The following SH3BGRL2 variants were observed in gnomAD, a reference collection of about 807,000 sequenced individuals.
SH3BGRL2 encodes the protein SH3 domain-binding glutamic acid-rich-like protein 2.
Under a neutral mutation model 14.8 loss-of-function variants are expected in SH3BGRL2, and 21 were observed. The ratio of observed to expected loss-of-function variants is 1.42; its 90% confidence interval spans 1.01 to 2.05. The LOEUF (loss-of-function observed/expected upper bound fraction) is 2.05. SH3BGRL2 is among the 30% of genes most tolerant of loss of function. The pLI is 0.00. For synonymous variants in SH3BGRL2, 50 were observed against 47.8 expected (o/e 1.05, Z -0.19); for missense variants, 147 against 130.8 (o/e 1.12, Z -0.61).
At chr6:79,670,221 A>G (rs968758122) in intron 1 of SH3BGRL2, among the ~76,000 whole-genome samples, 1 of 152,216 alleles carries the variant, frequency 6.6e-6, no homozygotes, top group Admixed American at 6.5e-5. Context: ...TATAAAGACC[A>G]TTTTTGGCTG....
chr6:79,580,409 A>G, the SH3BGRL2 span, among the ~76,000 whole-genome samples: 1 of 152,226 alleles, frequency 6.6e-6, no homozygotes, highest in African/African-American at 2.4e-5. Flanking sequence ...ACTCCTCAGC[A>G]AATGTAAAAG....
chr6:79,695,206 C>T (rs886961618), intron 2 of SH3BGRL2, among the ~76,000 whole-genome samples: 1 of 152,130 alleles, frequency 6.6e-6, no homozygotes, highest in African/African-American at 2.4e-5. Context: ...TTGGCCAAAT[C>T]GCTCTTTTCA....
At chr6:79,597,302 GAGAAA>G in the SH3BGRL2 span, among the ~76,000 whole-genome samples, 1 of 138,622 alleles carries the variant, frequency 7.2e-6, no homozygotes, top group African/African-American at 2.7e-5. Flanking sequence ...GAGAAAGAGA[GAGAAA>G]AGAAAGAAAG....
chr6:79,679,626 AT>A (rs943851540), intron 2 of SH3BGRL2, among the ~76,000 whole-genome samples: 13 of 152,192 alleles, frequency 8.5e-5, no homozygotes, highest in Non-Finnish European at 8.8e-5. Context: ...TGGTAGTTCT[AT>A]TTTTAATTTT....
chr6:79,686,306 C>T (rs924250920), intron 2 of SH3BGRL2, among the ~76,000 whole-genome samples: 2 of 152,098 alleles, frequency 1.3e-5, no homozygotes, highest in African/African-American at 4.8e-5. Flanking sequence ...TCTGTTATTT[C>T]TTTGCCCTTT....
chr6:79,685,926 T>G (rs1770081676), intron 2 of SH3BGRL2, among the ~76,000 whole-genome samples: 1 of 152,196 alleles, frequency 6.6e-6, no homozygotes, highest in Non-Finnish European at 1.5e-5. Context: ...TTCTTCTAAT[T>G]TGTGTGTCCT....
chr6:79,648,208 C>G (rs1769180485), intron 1 of SH3BGRL2, among the ~76,000 whole-genome samples: 1 of 139,444 alleles, frequency 7.2e-6, no homozygotes, highest in Admixed American at 7.4e-5. Flanking sequence ...CCTATGTGAT[C>G]TGATTCTGAC....
intron 3 of SH3BGRL2, among the ~76,000 whole-genome samples, 196 bp from the exon 4 acceptor site, chr6:79,699,302 G>A (rs547304342): frequency 4.2e-4 from 64 of 152,036 alleles, no homozygotes; most frequent in Non-Finnish European, 6.5e-4. Context: ...TGGCAGGTCG[G>A]GTGGGTGTGA....
intron 1 of SH3BGRL2, among the ~76,000 whole-genome samples, chr6:79,639,521 T>C (rs1217094820): frequency 6.6e-6 from 1 of 151,958 alleles, no homozygotes; most frequent in African/African-American, 2.4e-5. Flanking sequence ...CCTTGGGAGG[T>C]CGAGCCTGCA....
chr6:79,580,516 T>C, the SH3BGRL2 span, among the ~76,000 whole-genome samples: 2 of 151,934 alleles, frequency 1.3e-5, no homozygotes, highest in African/African-American at 4.8e-5. Context: ...CTACATAGAA[T>C]CTGAACAACT....
intron 2 of SH3BGRL2, among the ~76,000 whole-genome samples, chr6:79,694,975 G>GCT (rs1227392620): frequency 6.6e-6 from 1 of 151,798 alleles, no homozygotes; most frequent in East Asian, 1.9e-4. Flanking sequence ...TTGCTCCCTT[G>GCT]CTCAAAACCC....
At chr6:79,590,424 G>GAC in the SH3BGRL2 span, among the ~76,000 whole-genome samples, 1 of 66,666 alleles carries the variant, frequency 1.5e-5, no homozygotes, top group Non-Finnish European at 2.7e-5. Context: ...AAGAAAATGT[G>GAC]ATATATATAT....
the SH3BGRL2 span, among the ~76,000 whole-genome samples, chr6:79,540,360 G>A: frequency 3.6e-4 from 55 of 152,044 alleles, no homozygotes; most frequent in African/African-American, 1.1e-3. Context: ...GCATGAACCC[G>A]GGAGGCGGAG....
chr6:79,538,324 A>G, the SH3BGRL2 span, among the ~76,000 whole-genome samples: 1 of 152,002 alleles, frequency 6.6e-6, no homozygotes, highest in Admixed American at 6.6e-5. Flanking sequence ...GAATCTTCTA[A>G]CCATGAAGAT....
the SH3BGRL2 span, among the ~76,000 whole-genome samples, chr6:79,622,594 C>A: frequency 6.6e-6 from 1 of 152,106 alleles, no homozygotes; most frequent in Non-Finnish European, 1.5e-5. Flanking sequence ...GTGTTTCACC[C>A]CATCCCCCAA....
the SH3BGRL2 span, among the ~76,000 whole-genome samples, chr6:79,623,490 A>C: frequency 6.6e-6 from 1 of 152,290 alleles, no homozygotes; most frequent in Non-Finnish European, 1.5e-5. Flanking sequence ...ATTTCCATTT[A>C]ATGCAAAAAT....
intron 1 of SH3BGRL2, among the ~76,000 whole-genome samples, chr6:79,663,911 G>T (rs533086784): frequency 1.3e-5 from 2 of 152,346 alleles, no homozygotes; most frequent in Admixed American, 6.5e-5. Context: ...CTGCCTCGCA[G>T]GTTGATGTCA....
chr6:79,616,111 C>T, the SH3BGRL2 span, among the ~76,000 whole-genome samples: 10 of 151,888 alleles, frequency 6.6e-5, no homozygotes, highest in African/African-American at 2.2e-4. Context: ...CCACCGCACC[C>T]GGCCTAAACC....
At chr6:79,548,751 C>T in the SH3BGRL2 span, among the ~76,000 whole-genome samples, 1 of 152,290 alleles carries the variant, frequency 6.6e-6, no homozygotes, top group African/African-American at 2.4e-5. Context: ...GACATAATTA[C>T]TCCTCATCGT....
Sources: gnomAD v4.1 joint callset for allele counts (sites outside exome capture counted in the v4.1 genomes callset) on GRCh38, gnomAD v4.1.1 for gene constraint, MANE v1.5 for transcripts, NCBI Gene and HGNC (gene_info 2026-07-23, HGNC 2026-07-21) for gene names.